The following GNG12 variants were observed in gnomAD, a reference collection of about 807,000 sequenced individuals.
The protein encoded by GNG12 is G protein subunit gamma 12, also known as guanine nucleotide-binding protein G(I)/G(S)/G(O) subunit gamma-12.
For synonymous variants in GNG12, 28 were observed against 29.7 expected (o/e 0.94, Z 0.19); for missense variants, 69 against 83.8 (o/e 0.82, Z 0.69).
intron 2 of GNG12, among the ~76,000 whole-genome samples, chr1:67,725,928 CACTT>C (rs1309326227): frequency 6.6e-6 from 1 of 152,136 alleles, no homozygotes; most frequent in Non-Finnish European, 1.5e-5. Context: ...GACGGAGCAT[CACTT>C]ACAACAAATG....
rs140719141 is a variant in GNG12, at chr1:67,725,979, A to G, written c.-26-18267T>C. 1.2e-4 allele frequency among the ~76,000 whole-genome samples: 18 copies of G among 152,362 alleles called. No individual in the cohort carries two copies. The East Asian group carries it at 3.3e-3, about 28-fold the overall frequency. On this transcript the variant is annotated intron_variant, in intron 2 of 3. Transcript: ENST00000370982. The stretch of plus-strand genomic sequence containing the variant: ...CCAATTTAAATACTCATGTTACTAT[A>G]AACAACTTGCTTGTTAAGTTTTACT...
intron 1 of GNG12, among the ~76,000 whole-genome samples, chr1:67,793,745 G>C (rs1035190760): frequency 6.6e-6 from 1 of 152,138 alleles, no homozygotes; most frequent in African/African-American, 2.4e-5. Flanking sequence ...GCACTCTTTT[G>C]CAAAGCTTCA....
At chr1:67,785,664 A>G (rs1646763779) in intron 1 of GNG12, among the ~76,000 whole-genome samples, 1 of 152,182 alleles carries the variant, frequency 6.6e-6, no homozygotes, top group African/African-American at 2.4e-5. Flanking sequence ...ATGTAATTAA[A>G]ATAAGAGCAT....
intron 2 of GNG12, among the ~76,000 whole-genome samples, chr1:67,742,847 A>G (rs986669688): frequency 6.6e-6 from 1 of 151,560 alleles, no homozygotes; most frequent in African/African-American, 2.4e-5. Flanking sequence ...TTTGAAAAAG[A>G]TAATTACACA....
chr1:67,777,627 C>T, intron 1 of GNG12, 120 bp from the exon 2 acceptor site: 2 of 160,792 alleles, frequency 1.2e-5, no homozygotes, highest in Non-Finnish European at 2.6e-5. Flanking sequence ...ATGAAAAAAG[C>T]TTTTTCTGGC....
intron 2 of GNG12, among the ~76,000 whole-genome samples, chr1:67,740,578 T>G (rs1646477416): frequency 6.6e-6 from 1 of 152,246 alleles, no homozygotes; most frequent in Non-Finnish European, 1.5e-5. Flanking sequence ...GGAAAGATCA[T>G]GCTTCATTCT....
chr1:67,805,246 AT>A (rs143595920), intron 1 of GNG12, among the ~76,000 whole-genome samples: 2,395 of 152,296 alleles, frequency 0.016, 70 homozygotes, highest in African/African-American at 0.054. Context: ...CTAAAAGCCT[AT>A]TTATCACATT....
intron 1 of GNG12, among the ~76,000 whole-genome samples, chr1:67,816,114 G>A (rs1253174929): frequency 1.6e-4 from 25 of 152,190 alleles, no homozygotes; most frequent in Admixed American, 1.6e-3. Context: ...AGCTGCTAGA[G>A]CCTATTATCT....
intron 2 of GNG12, among the ~76,000 whole-genome samples, chr1:67,713,261 G>C (rs1456099853): frequency 6.6e-6 from 1 of 152,188 alleles, no homozygotes; most frequent in Non-Finnish European, 1.5e-5. Flanking sequence ...CTGCCAGTCG[G>C]ATAACACTCT....
intron 2 of GNG12, among the ~76,000 whole-genome samples, chr1:67,771,687 C>T (rs1209277345): frequency 6.6e-6 from 1 of 152,210 alleles, no homozygotes; most frequent in Non-Finnish European, 1.5e-5. Context: ...CCCACCACAG[C>T]AGACACAGGC....
At position 67,745,344 on chromosome 1, in the gene GNG12, C is replaced by CT. The variant is rs1646502213; in HGVS notation, c.-27+32113dup. ...AGAATACATTTGGAAGAGTCCTGGG[C>CT]TTTAGTCTCAGATCTGACATGAATT... On this transcript the variant is annotated intron_variant, in intron 2 of 3. Coordinates refer to ENST00000370982, the MANE Select transcript of GNG12 (RefSeq NM_018841.6). Among the ~76,000 whole-genome samples, 3 of 152,288 alleles carry CT rather than the reference C, an allele frequency of 2.0e-5. No individual in the cohort carries two copies. In the South Asian group the frequency reaches 6.2e-4, roughly 32 times the overall value.
intron 2 of GNG12, among the ~76,000 whole-genome samples, chr1:67,746,142 T>C (rs551218626): frequency 6.6e-6 from 1 of 152,190 alleles, no homozygotes; most frequent in African/African-American, 2.4e-5. Context: ...GGTGGAGAAA[T>C]GGCAGAGTTA....
At chr1:67,825,252 T>G (rs920538213) in intron 1 of GNG12, among the ~76,000 whole-genome samples, 1 of 152,220 alleles carries the variant, frequency 6.6e-6, no homozygotes, top group African/African-American at 2.4e-5. Flanking sequence ...AATCTGAGTA[T>G]GTCTGAAGAT....
chr1:67,785,949 A>G (rs548682332), intron 1 of GNG12, among the ~76,000 whole-genome samples: 1 of 152,328 alleles, frequency 6.6e-6, no homozygotes, highest in East Asian at 1.9e-4. Context: ...ACACACACAC[A>G]GCACACAAGT....
intron 2 of GNG12, among the ~76,000 whole-genome samples, chr1:67,726,422 A>G (rs912945432): frequency 1.3e-5 from 2 of 152,228 alleles, no homozygotes; most frequent in African/African-American, 4.8e-5. Flanking sequence ...TTCATAATTC[A>G]GGAAACACAG....
chr1:67,828,687 A>G (rs868218210), intron 1 of GNG12, among the ~76,000 whole-genome samples: 35 of 152,320 alleles, frequency 2.3e-4, no homozygotes, highest in Middle Eastern at 3.4e-3. Flanking sequence ...AGGTGCTGTA[A>G]AAACGCAGCT....
At chr1:67,752,597 T>C (rs1469102652) in intron 2 of GNG12, among the ~76,000 whole-genome samples, 1 of 152,202 alleles carries the variant, frequency 6.6e-6, no homozygotes. Context: ...TGAGTCATGG[T>C]GTTCTTTCCT....
At chr1:67,769,464 T>C (rs1395746917) in intron 2 of GNG12, among the ~76,000 whole-genome samples, 1 of 152,136 alleles carries the variant, frequency 6.6e-6, no homozygotes, top group African/African-American at 2.4e-5. Flanking sequence ...TCTGCAAGGC[T>C]TGAATTTGCA....
chr1:67,797,271 A>G (rs1032009336), intron 1 of GNG12, among the ~76,000 whole-genome samples: 3 of 152,212 alleles, frequency 2.0e-5, no homozygotes, highest in African/African-American at 4.8e-5. Context: ...GCTCATCAGA[A>G]TAAGTTCCAA....
Sources: gnomAD v4.1 joint callset for allele counts (sites outside exome capture counted in the v4.1 genomes callset) on GRCh38, gnomAD v4.1.1 for gene constraint, MANE v1.5 for transcripts, NCBI Gene and HGNC (gene_info 2026-07-23, HGNC 2026-07-21) for gene names.